The following EPHA3 variants were observed in gnomAD, a reference collection of about 807,000 sequenced individuals.
EPHA3 encodes ephrin type-A receptor 3.
In EPHA3, 42 loss-of-function variants were observed where a neutral mutation model predicts 107.1. The observed-to-expected ratio is 0.39, with a 90% CI of 0.31 to 0.51. EPHA3 has a LOEUF of 0.51. EPHA3 is among the 20% of genes least tolerant of loss of function. The probability of loss-of-function intolerance (pLI) is 0.78; values close to 1 mark genes in which losing one functional copy is unlikely to be tolerated. For missense variants in EPHA3, 1,183 were observed against 1,211.2 expected (o/e 0.98, Z 0.35); for synonymous variants, 461 against 424.8 (o/e 1.09, Z -1.05).
At chr3:89,296,350 T>G (rs530112606) in intron 3 of EPHA3, among the ~76,000 whole-genome samples, 63 of 152,334 alleles carry the variant, frequency 4.1e-4, no homozygotes, top group African/African-American at 1.5e-3. Context: ...TCAAAATTAC[T>G]CCTTGATTCA....
chr3:89,429,685 G>A (rs961245186), intron 12 of EPHA3, among the ~76,000 whole-genome samples: 3 of 149,072 alleles, frequency 2.0e-5, no homozygotes, highest in Admixed American at 1.4e-4. Context: ...AGCTTTATAC[G>A]TTTATCTATC....
chr3:89,455,296 G>A (rs1710073802), intron 15 of EPHA3, among the ~76,000 whole-genome samples: 1 of 152,162 alleles, frequency 6.6e-6, no homozygotes, highest in African/African-American at 2.4e-5. Flanking sequence ...AAGGGAATGA[G>A]CCAGCTGTGT....
chr3:89,218,136 T>C (rs980013611), intron 3 of EPHA3, among the ~76,000 whole-genome samples: 3 of 147,886 alleles, frequency 2.0e-5, no homozygotes, highest in Non-Finnish European at 4.4e-5. Context: ...TTGGATTTTA[T>C]TATTATTATT....
At chr3:89,211,911 A>G (rs11720651) in intron 3 of EPHA3, among the ~76,000 whole-genome samples, 119,719 of 151,202 alleles carry the variant, frequency 0.79, 47,501 homozygotes, top group Middle Eastern at 0.88. Flanking sequence ...TCTTTCAATG[A>G]CTGTTTAGAG....
At chr3:89,443,338 C>T (rs1366598900) in intron 13 of EPHA3, among the ~76,000 whole-genome samples, 1 of 152,088 alleles carries the variant, frequency 6.6e-6, no homozygotes, top group Non-Finnish European at 1.5e-5. Flanking sequence ...TCTACAGATA[C>T]TCTAAAAAAG....
At chr3:89,244,238 G>T (rs926950566) in intron 3 of EPHA3, among the ~76,000 whole-genome samples, 12 of 151,954 alleles carry the variant, frequency 7.9e-5, no homozygotes, top group African/African-American at 2.9e-4. Flanking sequence ...CAATAAAATA[G>T]CTAGGTTACC....
At chr3:89,365,090 G>A (rs1358521015) in intron 5 of EPHA3, among the ~76,000 whole-genome samples, 1 of 150,826 alleles carries the variant, frequency 6.6e-6, no homozygotes, top group African/African-American at 2.4e-5. Context: ...AATATAGTTT[G>A]TGCAAAGAAA....
chr3:89,460,405 G>A (rs1446808060), intron 15 of EPHA3, among the ~76,000 whole-genome samples: 1 of 152,108 alleles, frequency 6.6e-6, no homozygotes, highest in Non-Finnish European at 1.5e-5. Flanking sequence ...ACAAGGTTCT[G>A]CAGACCCAAT....
intron 3 of EPHA3, among the ~76,000 whole-genome samples, chr3:89,239,006 G>A (rs1430981598): frequency 6.6e-6 from 1 of 152,060 alleles, no homozygotes; most frequent in Non-Finnish European, 1.5e-5. Context: ...ACTCAGCATG[G>A]TATAAATACA....
chr3:89,235,455 A>C (rs1426300658), intron 3 of EPHA3, among the ~76,000 whole-genome samples: 1 of 152,080 alleles, frequency 6.6e-6, no homozygotes, highest in African/African-American at 2.4e-5. Context: ...CGTCGTAATA[A>C]ATCTTGATAT....
intron 11 of EPHA3, among the ~76,000 whole-genome samples, chr3:89,420,768 G>A (rs907188904): frequency 6.7e-6 from 1 of 148,362 alleles, no homozygotes. Context: ...TGCATCAAGT[G>A]GTGGTTGCCT....
chr3:89,132,319 T>G (rs188104297), intron 2 of EPHA3, among the ~76,000 whole-genome samples: 12 of 152,352 alleles, frequency 7.9e-5, no homozygotes, highest in Non-Finnish European at 1.6e-4. Flanking sequence ...GTGTTTTTCA[T>G]GCTTTCAAAT....
At chr3:89,140,749 G>A (rs184300271) in intron 2 of EPHA3, among the ~76,000 whole-genome samples, 23 of 151,676 alleles carry the variant, frequency 1.5e-4, no homozygotes, top group South Asian at 4.2e-4. Context: ...GGTAATATTC[G>A]TTTCTAGAAC....
intron 5 of EPHA3, among the ~76,000 whole-genome samples, chr3:89,385,790 C>T (rs1559675460): frequency 6.6e-6 from 1 of 152,122 alleles, no homozygotes; most frequent in Non-Finnish European, 1.5e-5. Flanking sequence ...TTTAGAATTT[C>T]CAAGAGACTT....
chr3:89,269,170 G>A (rs947897466), intron 3 of EPHA3, among the ~76,000 whole-genome samples: 46 of 151,960 alleles, frequency 3.0e-4, no homozygotes, highest in African/African-American at 1.0e-3. Flanking sequence ...GCCTTACGTG[G>A]GGTAAACTAT....
chr3:89,231,460 T>C (rs1247797728), intron 3 of EPHA3, among the ~76,000 whole-genome samples: 1 of 152,220 alleles, frequency 6.6e-6, no homozygotes, highest in Non-Finnish European at 1.5e-5. Context: ...TTGTTTGCTA[T>C]TTGCCTTTTT....
intron 3 of EPHA3, among the ~76,000 whole-genome samples, chr3:89,221,148 T>G (rs1704363388): frequency 6.6e-6 from 1 of 151,668 alleles, no homozygotes; most frequent in Admixed American, 6.5e-5. Flanking sequence ...TACCTGAAGC[T>G]CATCAGCCTG....
chr3:89,183,899 T>C (rs1355689044), intron 2 of EPHA3, among the ~76,000 whole-genome samples: 1 of 151,986 alleles, frequency 6.6e-6, no homozygotes, highest in Admixed American at 6.6e-5. Flanking sequence ...GATTTGCTGG[T>C]TACATAGAGA....
intron 13 of EPHA3, among the ~76,000 whole-genome samples, chr3:89,442,641 C>T (rs73846171): frequency 0.03 from 4,619 of 152,210 alleles, 239 homozygotes; most frequent in African/African-American, 0.11. Context: ...ACCTTGCCTA[C>T]AAGGTTCCCA....
Sources: allele counts gnomAD v4.1 joint callset (sites outside exome capture counted in the v4.1 genomes callset), GRCh38; gene constraint gnomAD v4.1.1; transcripts MANE v1.5; gene names NCBI Gene and HGNC (gene_info 2026-07-23, HGNC 2026-07-21).